Variants in NUDC observed in about 807,000 individuals in gnomAD.
NUDC encodes nuclear migration protein nudC.
NUDC carries 14 observed loss-of-function variants against 45.0 expected under a neutral mutation model. The observed-to-expected ratio is 0.31, with a 90% confidence interval of 0.21 to 0.49. NUDC has a LOEUF of 0.49. Among genes scored for constraint, NUDC ranks in the 20% least tolerant of loss-of-function variants. The pLI is 0.99. For missense variants in NUDC, 323 were observed against 426.2 expected (o/e 0.76, Z 2.13); for synonymous variants, 153 against 156.7 (o/e 0.98, Z 0.17).
At chr1:26,921,120 G>C (rs891777285), upstream of NUDC, among the ~76,000 whole-genome samples, 2 of 152,176 alleles carry the variant, frequency 1.3e-5, no homozygotes, top group African/African-American at 2.4e-5. Context: ...TCCTGTCCCC[G>C]CATTAACAGA....
chr1:26,913,519 G>A (rs746000632), intron 3 of NUDC: 2 of 1,613,402 alleles, frequency 1.2e-6, no homozygotes, highest in South Asian at 2.2e-5. Flanking sequence ...AGCCAGGGAG[G>A]GCTGGGGTCT....
chr1:26,925,322 C>T (rs1343079670), intron 2 of NUDC, among the ~76,000 whole-genome samples: 2 of 151,066 alleles, frequency 1.3e-5, no homozygotes, highest in Non-Finnish European at 3.0e-5. Flanking sequence ...TGGCGGATCA[C>T]GAGGTCAGGA....
upstream of NUDC, among the ~76,000 whole-genome samples, chr1:26,920,779 A>C (rs913640481): frequency 4.8e-5 from 7 of 147,216 alleles, no homozygotes; most frequent in Middle Eastern, 3.4e-3. Flanking sequence ...CAAAAAACAA[A>C]AAAAAAAAAA....
At chr1:26,944,101 A>G (rs921813113) in intron 6 of NUDC, among the ~76,000 whole-genome samples, 2 of 151,364 alleles carry the variant, frequency 1.3e-5, no homozygotes, top group African/African-American at 4.9e-5. Context: ...TCACCGTGTT[A>G]GCCAGGATGG....
upstream of NUDC, among the ~76,000 whole-genome samples, chr1:26,918,216 C>T (rs1387558675): frequency 1.3e-5 from 2 of 149,050 alleles, no homozygotes; most frequent in African/African-American, 4.9e-5. Context: ...TATCCCCCAG[C>T]TGCTGGAGCG....
chr1:26,933,759 A>G (rs190269441), intron 2 of NUDC, among the ~76,000 whole-genome samples: 1 of 152,294 alleles, frequency 6.6e-6, no homozygotes, highest in East Asian at 1.9e-4. Context: ...TCCATAGCAG[A>G]TGCACCATTT....
rs951613833 is a variant in NUDC, at chr1:26,921,777, C to T, written c.-72C>T. ...GGACGACTAGAGTCGTTGGGCCCGG[C>T]GCGACCCGCAGGAGCGTAGAGAGCG... On this transcript the variant is annotated 5_prime_UTR_variant, in exon 1 of 9. Coordinates refer to ENST00000321265, the MANE Select transcript of NUDC (RefSeq NM_006600.4). 6 of 1,489,838 alleles carry T rather than the reference C, an allele frequency of 4.0e-6. No individual in the cohort carries two copies. The highest frequency in any genetic ancestry group is 5.5e-6 in the Non-Finnish European group (6 of 1,094,990). 92.3% of individuals were successfully genotyped at this position (1,489,838 alleles called of 1,614,324 possible).
chr1:26,916,801 C>A (rs2082063965), upstream of NUDC, among the ~76,000 whole-genome samples: 1 of 151,960 alleles, frequency 6.6e-6, no homozygotes, highest in South Asian at 2.1e-4. Flanking sequence ...CAAAAAAATA[C>A]AAAAATTAGC....
intron 2 of NUDC, among the ~76,000 whole-genome samples, chr1:26,926,332 C>A (rs17162339): frequency 0.092 from 14,001 of 152,218 alleles, 768 homozygotes; most frequent in African/African-American, 0.15. Flanking sequence ...GTCATAGACA[C>A]ATTACCTAAG....
Position 26,921,783 on chromosome 1 carries a change from C to A in NUDC, c.-66C>A. On this transcript the variant is annotated 5_prime_UTR_variant, in exon 1 of 9. Transcript: ENST00000321265. ...CTAGAGTCGTTGGGCCCGGCGCGACCCGCAGGAGCGTAGAGAGCGCGGGAC... is the reference window on the plus strand; with the variant it reads ...CTAGAGTCGTTGGGCCCGGCGCGACACGCAGGAGCGTAGAGAGCGCGGGAC... 2 of 1,510,552 alleles carry A rather than the reference C, an allele frequency of 1.3e-6. No individual in the cohort carries two copies. The highest frequency in any genetic ancestry group is 4.7e-4 in the Middle Eastern group (2 of 4,292). The allele number at this position is 1,510,552 out of a possible 1,614,324, so 93.6% of individuals were successfully genotyped here. A position where few individuals can be genotyped will look rare whatever the true frequency, so the allele number is the denominator to read the frequency against.
At chr1:26,919,796 T>G (rs1479957057), upstream of NUDC, among the ~76,000 whole-genome samples, 1 of 152,158 alleles carries the variant, frequency 6.6e-6, no homozygotes, top group Non-Finnish European at 1.5e-5. Context: ...GAAAGTGAGA[T>G]AGAGTGGGAA....
Position 26,921,943 on chromosome 1 carries a change from C to G in NUDC, c.81+14C>G. 2 of 1,549,006 alleles carry G rather than the reference C, an allele frequency of 1.3e-6. No individual in the cohort carries two copies. Reference sequence around the variant, plus strand: ...GGCGTGCAGGAGGTAACGGCCCGCGCGGCGTCGGCCCACCCGGCGGCCTTG... The same window carrying G: ...GGCGTGCAGGAGGTAACGGCCCGCGGGGCGTCGGCCCACCCGGCGGCCTTG... On this transcript the variant is annotated intron_variant, in intron 1 of 8. Coordinates refer to ENST00000321265, the MANE Select transcript of NUDC (RefSeq NM_006600.4).
rs1193479775 is a variant in NUDC at position 26,924,045 on chromosome 1, C to T, written c.82-44C>T. The T allele has an allele frequency of 3.2e-6, 5 of 1,579,066 alleles. No homozygotes were observed. The Admixed American group carries it at 5.0e-5, about 16-fold the overall frequency. ...TTGACTTGTGTGCAGTTGAAGGGCT[C>T]CCAAATGCAGCTCTACTACTTTAAT... On this transcript the variant is annotated intron_variant, in intron 1 of 8. Transcript: ENST00000321265.
exon 1 of NUDC, chr1:26,900,369 C>A (rs149540976): frequency 6.2e-7 from 1 of 1,614,018 alleles, no homozygotes; most frequent in African/African-American, 1.3e-5. Context: ...ATGGGCCGAG[C>A]GCAACACGGA....
chr1:26,922,210 C>T (rs2082097429), intron 1 of NUDC: 5 of 532,142 alleles, frequency 9.4e-6, no homozygotes, highest in African/African-American at 1.9e-5. Flanking sequence ...CCCGTTTCCA[C>T]TTTGATGGCG....
At chr1:26,909,919 G>A (rs2082018535) in intron 2 of NUDC, among the ~76,000 whole-genome samples, 1 of 152,074 alleles carries the variant, frequency 6.6e-6, no homozygotes, top group Admixed American at 6.6e-5. Flanking sequence ...GCTGAGAGGA[G>A]GAGGGACATT....
At chr1:26,943,833 AC>A (rs2082297872) in intron 6 of NUDC, among the ~76,000 whole-genome samples, 1 of 152,156 alleles carries the variant, frequency 6.6e-6, no homozygotes, top group African/African-American at 2.4e-5. Context: ...TTCCCAGGGC[AC>A]ATAAGACCCT....
Position 26,929,413 on chromosome 1 carries a change from CAA to C in NUDC, c.159+5258_159+5259del, listed in dbSNP as rs59479684. On this transcript the variant is annotated intron_variant, in intron 2 of 8. Transcript: ENST00000321265. ...CATAGCAAGACCCCTTCTGAAAAAACAAAAAAAAAAAACAAATTAAAAAAATA... is the reference window on the plus strand; with the variant it reads ...CATAGCAAGACCCCTTCTGAAAAAACAAAAAAAAAACAAATTAAAAAAATA... 3.1e-3 allele frequency among the ~76,000 whole-genome samples: 410 copies of C among 130,876 alleles called. 4 individuals are homozygous for C. The highest frequency in any genetic ancestry group is 0.011 in the African/African-American group (387 of 36,828). 85.9% of individuals were successfully genotyped at this position (130,876 alleles called of 152,430 possible).
intron 2 of NUDC, chr1:26,911,030 G>A: frequency 2.3e-6 from 1 of 434,980 alleles, no homozygotes; most frequent in Non-Finnish European, 4.7e-6. Context: ...CTAAACCTTG[G>A]TCTGCCTTGG....
Sources: gnomAD v4.1 joint callset for allele counts (sites outside exome capture counted in the v4.1 genomes callset) on GRCh38, gnomAD v4.1.1 for gene constraint, MANE v1.5 for transcripts, NCBI Gene and HGNC (gene_info 2026-07-23, HGNC 2026-07-21) for gene names.